POLR2D: variants seen among roughly 807,000 people sequenced by gnomAD.
POLR2D encodes the protein DNA-directed RNA polymerase II subunit RPB4.
In POLR2D, 10 loss-of-function variants were observed where a neutral mutation model predicts 17.6. The observed-to-expected ratio is 0.57, with a 90% CI of 0.35 to 0.96. The LOEUF is 0.96. POLR2D is among the 40% of genes least tolerant of loss of function. The pLI, the probability that POLR2D is intolerant of heterozygous loss-of-function variation, is 0.02. For synonymous variants in POLR2D, 52 were observed against 60.2 expected, an observed-to-expected ratio of 0.86 and a Z score of 0.63; for missense variants, 126 against 176.4, an observed-to-expected ratio of 0.71 and a Z score of 1.62.
intron 2 of POLR2D, among the ~76,000 whole-genome samples, chr2:127,851,763 T>C (rs961983385): frequency 4.6e-5 from 7 of 152,172 alleles, no homozygotes; most frequent in African/African-American, 1.7e-4. Context: ...ATCTATAGGC[T>C]GGACATGGTG....
intron 2 of POLR2D, among the ~76,000 whole-genome samples, chr2:127,851,735 T>TTATC (rs748989144): frequency 5.8e-4 from 89 of 152,286 alleles, no homozygotes; most frequent in South Asian, 8.3e-4. Context: ...ACAAATACTA[T>TTATC]TATCTATCTA....
chr2:127,847,972 C>A lies in POLR2D; in HGVS notation c.*135G>T. On this transcript the variant is annotated 3_prime_UTR_variant, in exon 4 of 4. Coordinates refer to ENST00000272645, the MANE Select transcript of POLR2D (RefSeq NM_004805.4). The stretch of plus-strand genomic sequence containing the variant: ...TTGAAACAGCAACCTAACCCCACGC[C>A]AAGCTGGGCTGTTTTCTCCAAAGGA... 2.8e-6 allele frequency: 2 copies of A among 721,586 alleles called. No homozygotes were observed. The highest frequency in any genetic ancestry group is 5.1e-6 in the Non-Finnish European group (2 of 395,824). The allele number at this position is 721,586 out of a possible 1,614,324, so 44.7% of individuals were successfully genotyped here. A position where few individuals can be genotyped will look rare whatever the true frequency, so the allele number is the denominator to read the frequency against.
chr2:127,854,667 G>A (rs904584827), intron 1 of POLR2D, among the ~76,000 whole-genome samples: 1 of 152,090 alleles, frequency 6.6e-6, no homozygotes, highest in Non-Finnish European at 1.5e-5. Context: ...AAATAGAATA[G>A]GCTGCCAATA....
chr2:127,850,713 A>C (rs776396553), intron 2 of POLR2D, 28 bp from the exon 3 acceptor site: 8 of 1,094,292 alleles, frequency 7.3e-6, no homozygotes, highest in Non-Finnish European at 1.1e-5. Context: ...AAAAAAATCA[A>C]AATAATCAAA....
In POLR2D at chr2:127,844,584, C is replaced by G. The variant is rs1690120419; in HGVS notation, c.*3523G>C. ...AATTTTTGACTGTCTTGCAGAATAG[C>G]TGACCAGGCTTTCAACCTACAACAG... On this transcript the variant is annotated 3_prime_UTR_variant, in exon 4 of 4. Coordinates refer to ENST00000272645, the MANE Select transcript of POLR2D (RefSeq NM_004805.4). 1.3e-5 allele frequency: 2 copies of G among 152,220 alleles called. No homozygotes were observed. Among genetic ancestry groups the G allele is most frequent in the Admixed American group, 1.3e-4 (2 of 15,270 alleles). 9.4% of individuals were successfully genotyped at this position (152,220 alleles called of 1,614,324 possible). A position where few individuals can be genotyped will look rare whatever the true frequency, so the allele number is the denominator to read the frequency against.
rs1320832730 is a variant in POLR2D at position 127,847,028 on chromosome 2, A to C, written c.*1079T>G. ...TCATACAGCAAATGGGCTGCAGTGAACAGTGCACACCTGGTTGTGGACCTC... is the reference window on the plus strand; with the variant it reads ...TCATACAGCAAATGGGCTGCAGTGACCAGTGCACACCTGGTTGTGGACCTC... On this transcript the variant is annotated 3_prime_UTR_variant, in exon 4 of 4. Coordinates refer to ENST00000272645, the MANE Select transcript of POLR2D (RefSeq NM_004805.4). 6.6e-6 allele frequency: 1 copy of C among 152,662 alleles called. No homozygotes were observed. Among genetic ancestry groups the C allele is most frequent in the African/African-American group, 2.4e-5 (1 of 41,450 alleles). 9.5% of individuals were successfully genotyped at this position (152,662 alleles called of 1,614,324 possible).
chr2:127,852,688 T>C lies in POLR2D; in HGVS notation c.254+237A>G, dbSNP rs577519503. Among the ~76,000 whole-genome samples the C allele has an allele frequency of 7.2e-5, 11 of 152,122 alleles. No homozygotes were observed. Among genetic ancestry groups the C allele is most frequent in the Non-Finnish European group, 8.8e-5 (6 of 68,032 alleles). ...TAATGGTGTGTACCACCAGCTAATT[T>C]TTTGCATTTTTAGCAGAGACGGGTT... On this transcript the variant is annotated intron_variant, in intron 2 of 3. Coordinates refer to ENST00000272645, the MANE Select transcript of POLR2D (RefSeq NM_004805.4). The surrounding 1 kb of genome is among the most constrained non-coding windows in gnomAD (Gnocchi z 4.0).
rs1268491963 is a variant in POLR2D, at chr2:127,843,826, G to A, written c.*4281C>T. On this transcript the variant is annotated 3_prime_UTR_variant, in exon 4 of 4. Coordinates refer to ENST00000272645, the MANE Select transcript of POLR2D (RefSeq NM_004805.4). Reference sequence around the variant, plus strand: ...TTAATGCCCTTATAAAAGAGGCTGCGGGCTGGGTGCAGTGACTCATGCCTC... The same window carrying A: ...TTAATGCCCTTATAAAAGAGGCTGCAGGCTGGGTGCAGTGACTCATGCCTC... 2 of 153,496 alleles carry A rather than the reference G, an allele frequency of 1.3e-5. No individual in the cohort carries two copies. The highest frequency in any genetic ancestry group is 2.9e-5 in the Non-Finnish European group (2 of 68,004). 9.5% of individuals were successfully genotyped at this position (153,496 alleles called of 1,614,324 possible). A position where few individuals can be genotyped will look rare whatever the true frequency, so the allele number is the denominator to read the frequency against.
intron 3 of POLR2D, among the ~76,000 whole-genome samples, chr2:127,849,447 T>C (rs1398814212): frequency 6.6e-6 from 1 of 152,220 alleles, no homozygotes; most frequent in African/African-American, 2.4e-5. Flanking sequence ...TTAGTATTTA[T>C]CATTGCCATA....
chr2:127,844,185 A>G lies in POLR2D; in HGVS notation c.*3922T>C, dbSNP rs1203047677. ...TGTTCATTCCCTATGGAAGATGCAG[A>G]AAAAAAGGCACCATCTTGGACCAGA... is the stretch of plus-strand genomic sequence containing the variant. On this transcript the variant is annotated 3_prime_UTR_variant, in exon 4 of 4. Transcript: ENST00000272645. The G allele has an allele frequency of 6.6e-6, 1 of 150,666 alleles. No homozygotes were observed. Among genetic ancestry groups the G allele is most frequent in the African/African-American group, 2.4e-5 (1 of 40,974 alleles). 9.3% of individuals were successfully genotyped at this position (150,666 alleles called of 1,614,324 possible).
In POLR2D at chr2:127,858,145, A is replaced by G; in HGVS notation, c.-45T>C. ...CCACCACCAGCGCCGCCGGAAGCAG[A>G]AGCGCGGAGCAACGGCCGCGGAAGG... On this transcript the variant is annotated 5_prime_UTR_variant, in exon 1 of 4. Coordinates refer to ENST00000272645, the MANE Select transcript of POLR2D (RefSeq NM_004805.4). 1 of 1,381,804 alleles carries G rather than the reference A, an allele frequency of 7.2e-7. No homozygotes were observed. Among genetic ancestry groups the G allele is most frequent in the African/African-American group, 1.5e-5 (1 of 65,428 alleles). 85.6% of individuals were successfully genotyped at this position (1,381,804 alleles called of 1,614,324 possible). A position where few individuals can be genotyped will look rare whatever the true frequency, so the allele number is the denominator to read the frequency against.
In POLR2D at chr2:127,846,555, T is replaced by C. The variant is rs1219026097; in HGVS notation, c.*1552A>G. 3 of 152,192 alleles carry C rather than the reference T, an allele frequency of 2.0e-5. No homozygotes were observed. The highest frequency in any genetic ancestry group is 4.4e-5 in the Non-Finnish European group (3 of 68,036). The allele number at this position is 152,192 out of a possible 1,614,324, so 9.4% of individuals were successfully genotyped here. On this transcript the variant is annotated 3_prime_UTR_variant, in exon 4 of 4. Transcript: ENST00000272645. ...TCCCTCCTTCCAAATAAAGCACTTA[T>C]TGCTAATTAGCAGGCCAGAGGCTTA...
chr2:127,857,578 C>T (rs535165090), intron 1 of POLR2D, among the ~76,000 whole-genome samples: 4 of 152,206 alleles, frequency 2.6e-5, no homozygotes, highest in Admixed American at 1.3e-4. Flanking sequence ...CGGACCAATC[C>T]TCCTCTTCCC....
At chr2:127,856,290 C>CAAAAAAAAAAAAAAAAAAAAAT (rs61249327) in intron 1 of POLR2D, among the ~76,000 whole-genome samples, 1 of 25,416 alleles carries the variant, frequency 3.9e-5, no homozygotes, top group African/African-American at 1.3e-4. Context: ...GATCCCGTCT[C>CAAAAAAAAAAAAAAAAAAAAAT]AAAAAAAAAA....
chr2:127,851,124 G>A (rs1269951420), intron 2 of POLR2D, among the ~76,000 whole-genome samples: 1 of 152,170 alleles, frequency 6.6e-6, no homozygotes, highest in East Asian at 1.9e-4. Flanking sequence ...GCTGAGGCAG[G>A]AGAATTGCTT....
intron 3 of POLR2D, among the ~76,000 whole-genome samples, chr2:127,849,063 T>G (rs946393251): frequency 6.6e-6 from 1 of 151,526 alleles, no homozygotes; most frequent in Non-Finnish European, 1.5e-5. Context: ...AGTTTTTTTT[T>G]GGGACAGAGT....
At position 127,846,171 on chromosome 2, in the gene POLR2D, T is replaced by C. The variant is rs2104719982; in HGVS notation, c.*1936A>G. ...GGGAGGCTGAGGCAGGAGAATCACT[T>C]GAACCCAGAAGGCAGAGGTTGCAGT... On this transcript the variant is annotated 3_prime_UTR_variant, in exon 4 of 4. Coordinates refer to ENST00000272645, the MANE Select transcript of POLR2D (RefSeq NM_004805.4). 1 of 152,274 alleles carries C rather than the reference T, an allele frequency of 6.6e-6. No homozygotes were observed. The highest frequency in any genetic ancestry group is 1.9e-4 in the East Asian group (1 of 5,186). 9.4% of individuals were successfully genotyped at this position (152,274 alleles called of 1,614,324 possible).
chr2:127,850,586 T>C lies in POLR2D; in HGVS notation c.350+4A>G. 1 of 1,403,792 alleles carries C rather than the reference T, an allele frequency of 7.1e-7. No homozygotes were observed. Among genetic ancestry groups the C allele is most frequent in the Non-Finnish European group, 9.9e-7 (1 of 1,005,874 alleles). The allele number at this position is 1,403,792 out of a possible 1,614,324, so 87.0% of individuals were successfully genotyped here. ...ACAGAGAACTTATCACAACTGGTAC[T>C]AACCTTGGGATTAGAGCCTTGGACT... On this transcript the variant is annotated splice_donor_region_variant and intron_variant, in intron 3 of 3. Coordinates refer to ENST00000272645, the MANE Select transcript of POLR2D (RefSeq NM_004805.4).
chr2:127,848,277 T>C, intron 3 of POLR2D, 92 bp from the exon 4 acceptor site: 1 of 705,316 alleles, frequency 1.4e-6, no homozygotes, highest in Admixed American at 2.5e-5. Context: ...CCCACATCTC[T>C]AACACCTTTA....
Sources: gnomAD v4.1 joint callset for allele counts (sites outside exome capture counted in the v4.1 genomes callset) on GRCh38, gnomAD v4.1.1 for gene constraint, Gnocchi (gnomAD v3.1) non-coding constraint, MANE v1.5 for transcripts, NCBI Gene and HGNC (gene_info 2026-07-23, HGNC 2026-07-21) for gene names.